MICAL2: variants seen among roughly 807,000 people sequenced by gnomAD.
The protein encoded by MICAL2 is microtubule associated monooxygenase, calponin and LIM domain containing 2, also known as [F-actin]-monooxygenase MICAL2.
A neutral mutation model predicts 127.3 loss-of-function variants in MICAL2; 77 were observed. The observed-to-expected ratio is 0.60, with a 90% CI of 0.50 to 0.73. The LOEUF is 0.73. Ranked by LOEUF, MICAL2 falls within the 30% of genes least tolerant of loss-of-function variation. The pLI is 0.00. For synonymous variants in MICAL2, 570 were observed against 551.1 expected, an observed-to-expected ratio of 1.03 and a Z score of -0.48; for missense variants, 1,351 against 1,434.4, an observed-to-expected ratio of 0.94 and a Z score of 0.94.
intron 29 of MICAL2, among the ~76,000 whole-genome samples, chr11:12,310,008 A>G (rs987886899): frequency 2.6e-5 from 4 of 151,940 alleles, no homozygotes; most frequent in African/African-American, 9.6e-5. Context: ...GGCCTTTTGC[A>G]TTTTTTATTT....
chr11:12,349,126 G>A (rs931742887), intron 32 of MICAL2, among the ~76,000 whole-genome samples: 5 of 152,092 alleles, frequency 3.3e-5, no homozygotes, highest in African/African-American at 4.8e-5. Flanking sequence ...TGAAATATTC[G>A]AAAGCCACCT....
chr11:12,160,802 A>G (rs1854694375), intron 2 of MICAL2, among the ~76,000 whole-genome samples: 2 of 152,308 alleles, frequency 1.3e-5, no homozygotes, highest in Middle Eastern at 3.4e-3. Flanking sequence ...GCCTGAGCCT[A>G]CGTATTCCCG....
At chr11:12,198,104 T>A (rs1249598007) in intron 3 of MICAL2, among the ~76,000 whole-genome samples, 7 of 151,906 alleles carry the variant, frequency 4.6e-5, no homozygotes, top group Non-Finnish European at 8.8e-5. Context: ...GCCAACCCCC[T>A]CTCAGAGATT....
chr11:12,226,237 G>A lies in MICAL2; in HGVS notation c.1755G>A (p.Glu585=), dbSNP rs1019804760. 5 of 1,614,260 alleles carry A rather than the reference G, an allele frequency of 3.1e-6. No homozygotes were observed. Among genetic ancestry groups the A allele is most frequent in the Non-Finnish European group, 4.2e-6 (5 of 1,180,048 alleles). Residue 585 remains glutamate (E), a synonymous_variant, in exon 14 of 28, where the codon GAG becomes GAA. Transcript: ENST00000683283. Reference sequence around the variant, plus strand: ...ACCAGCTCGCATTTGATGTGGCCGAGCGAGAGTTTGGGATCCCTCCAGTGA... The same window carrying A: ...ACCAGCTCGCATTTGATGTGGCCGAACGAGAGTTTGGGATCCCTCCAGTGA... The part of the protein sequence containing the change: ...ENNQLAFDVA[E]REFGIPPVTT...
At chr11:12,213,501 T>C (rs1855778589) in intron 7 of MICAL2, 91 bp downstream of exon 7, 2 of 1,362,152 alleles carry the variant, frequency 1.5e-6, no homozygotes, top group Non-Finnish European at 2.0e-6. Flanking sequence ...TTCTGGGCTC[T>C]TGGGCCTCGA....
chr11:12,223,572 C>A, intron 12 of MICAL2, 71 bp downstream of exon 12: 3 of 1,387,844 alleles, frequency 2.2e-6, no homozygotes, highest in Non-Finnish European at 3.1e-6. Flanking sequence ...TGCTCAGTGA[C>A]CGTGGTGACA....
chr11:12,254,798 G>GT (rs2134635207), intron 22 of MICAL2: 1 of 151,460 alleles, frequency 6.6e-6, no homozygotes, highest in South Asian at 2.1e-4. Flanking sequence ...CACGGTGAAT[G>GT]TAACAGTCCC....
intron 15 of MICAL2, among the ~76,000 whole-genome samples, chr11:12,235,223 T>C (rs1328892333): frequency 6.6e-6 from 1 of 152,150 alleles, no homozygotes; most frequent in Non-Finnish European, 1.5e-5. Context: ...TCTTTCCCAC[T>C]CCAGCCATAG....
rs373428084 is a variant in MICAL2, at chr11:12,228,067, G to A, written c.1995+936G>A. Among the ~76,000 whole-genome samples, 8 of 152,302 alleles carry A rather than the reference G, an allele frequency of 5.3e-5. No homozygotes were observed. The South Asian group carries it at 1.7e-3, about 32-fold the overall frequency. On this transcript the variant is annotated intron_variant, in intron 15 of 27. Transcript: ENST00000683283. ...GAGGCCTATGGTTGTGGTGGCTCAC[G>A]CCTGTAATCCCAGCACTTTGGGAGG...
At chr11:12,144,564 C>T (rs913691114) in intron 2 of MICAL2, among the ~76,000 whole-genome samples, 1 of 152,174 alleles carries the variant, frequency 6.6e-6, no homozygotes, top group Admixed American at 6.5e-5. Context: ...GAGACTGTCC[C>T]ACAGAGGTCT....
intron 2 of MICAL2, among the ~76,000 whole-genome samples, chr11:12,146,528 G>A (rs1372237383): frequency 6.6e-6 from 1 of 152,218 alleles, no homozygotes; most frequent in Non-Finnish European, 1.5e-5. Context: ...TCTCACACCA[G>A]TTAGAACGGT....
At chr11:12,297,342 A>G (rs1908229) in intron 29 of MICAL2, among the ~76,000 whole-genome samples, 1 of 151,878 alleles carries the variant, frequency 6.6e-6, no homozygotes, top group African/African-American at 2.4e-5. Flanking sequence ...ACCAGTTGAT[A>G]CTGTCCTTTG....
intron 11 of MICAL2, among the ~76,000 whole-genome samples, 181 bp downstream of exon 11, chr11:12,222,924 G>A (rs1183825260): frequency 2.0e-5 from 3 of 152,158 alleles, no homozygotes; most frequent in Admixed American, 1.3e-4. Flanking sequence ...CTAGCCCGCA[G>A]GACAGAACTA....
At chr11:12,183,645 C>A (rs1857771725) in intron 3 of MICAL2, among the ~76,000 whole-genome samples, 1 of 152,188 alleles carries the variant, frequency 6.6e-6, no homozygotes, top group Admixed American at 6.5e-5. Context: ...GTGCTGTGGA[C>A]ACTGTTGACA....
chr11:12,171,211 G>A (rs189164768), intron 3 of MICAL2, among the ~76,000 whole-genome samples: 1 of 152,278 alleles, frequency 6.6e-6, no homozygotes, highest in East Asian at 1.9e-4. Context: ...CTGGAAGACT[G>A]AGCCTCCCTT....
At chr11:12,235,617 T>A (rs1858936965) in intron 15 of MICAL2, among the ~76,000 whole-genome samples, 1 of 152,182 alleles carries the variant, frequency 6.6e-6, no homozygotes, top group Admixed American at 6.5e-5. Flanking sequence ...TGATGGTGAG[T>A]GAATTGCAGA....
chr11:12,362,123 G>A (rs1939214143), downstream of MICAL2, among the ~76,000 whole-genome samples: 1 of 152,186 alleles, frequency 6.6e-6, no homozygotes, highest in Non-Finnish European at 1.5e-5. Flanking sequence ...AAATGGTTTT[G>A]TGTCTCAGGA....
At chr11:12,142,323 C>T (rs758622947) in intron 2 of MICAL2, among the ~76,000 whole-genome samples, 2 of 152,140 alleles carry the variant, frequency 1.3e-5, no homozygotes, top group African/African-American at 2.4e-5. Flanking sequence ...GTTGAGTTGC[C>T]GTTATTCTGT....
intron 3 of MICAL2, among the ~76,000 whole-genome samples, chr11:12,168,985 G>A (rs1324312891): frequency 7.1e-6 from 1 of 140,586 alleles, no homozygotes; most frequent in Non-Finnish European, 1.6e-5. Context: ...AAAAGAGAGA[G>A]AAAAAAAAAG....
Sources: allele counts gnomAD v4.1 joint callset (sites outside exome capture counted in the v4.1 genomes callset), GRCh38; gene constraint gnomAD v4.1.1; transcripts MANE v1.5; gene names NCBI Gene and HGNC (gene_info 2026-07-23, HGNC 2026-07-21).